The following TMEM178A variants were observed in gnomAD, a reference collection of about 807,000 sequenced individuals.
The protein encoded by TMEM178A is transmembrane protein 178A, also known as transmembrane protein 178.
In TMEM178A, 12 loss-of-function variants were observed where a neutral mutation model predicts 29.1. The ratio of observed to expected loss-of-function variants is 0.41; its 90% CI spans 0.26 to 0.67. The LOEUF (loss-of-function observed/expected upper bound fraction) is 0.67, where lower values mean the gene tolerates loss of function less well. TMEM178A is among the 30% of genes least tolerant of loss of function. The pLI is 0.29. For synonymous variants in TMEM178A, 210 were observed against 187.2 expected (o/e 1.12, Z -0.99); for missense variants, 366 against 419.1 (o/e 0.87, Z 1.11).
chr2:39,675,012 A>T (rs534175672), intron 1 of TMEM178A, among the ~76,000 whole-genome samples: 2 of 152,368 alleles, frequency 1.3e-5, no homozygotes, highest in African/African-American at 2.4e-5. Flanking sequence ...CCTGTCAATT[A>T]TCCACAAAAC....
Position 39,666,108 on chromosome 2 carries a change from G to A in TMEM178A, c.134G>A (p.Arg45His), listed in dbSNP as rs1410416897. The A allele has an allele frequency of 1.3e-6, 2 of 1,559,040 alleles. No individual in the cohort carries two copies. Among genetic ancestry groups the A allele is most frequent in the South Asian group, 1.2e-5 (1 of 85,240 alleles). ...CGGCGCCACAAGGAGAGCTGCGAGC[G>A]CAGCCGCGCGGGCGCCGACCCCCCG... is the stretch of plus-strand genomic sequence containing the variant. ...DPRRHKESCE[R>H]SRAGADPPDQ... Residue 45 changes from arginine to histidine, a missense_variant, in exon 1 of 4, where the codon CGC (arginine) becomes CAC (histidine). Transcript: ENST00000281961.
intron 1 of TMEM178A, among the ~76,000 whole-genome samples, chr2:39,689,545 A>G (rs192541690): frequency 3.3e-5 from 5 of 152,348 alleles, no homozygotes; most frequent in Non-Finnish European, 5.9e-5. Flanking sequence ...TGGAAATAGA[A>G]TGATGGTTGC....
intron 3 of TMEM178A, among the ~76,000 whole-genome samples, chr2:39,710,858 C>G (rs1401143787): frequency 6.6e-6 from 1 of 152,254 alleles, no homozygotes; most frequent in Non-Finnish European, 1.5e-5. Flanking sequence ...AAATGAAGAA[C>G]ATCAACCATG....
chr2:39,666,189 C>G lies in TMEM178A; in HGVS notation c.215C>G (p.Pro72Arg). 1 of 1,443,994 alleles carries G rather than the reference C, an allele frequency of 6.9e-7. No individual in the cohort carries two copies. Among genetic ancestry groups the G allele is most frequent in the Non-Finnish European group, 9.1e-7 (1 of 1,102,742 alleles). The allele number at this position is 1,443,994 out of a possible 1,614,324, so 89.4% of individuals were successfully genotyped here. Residue 72 changes from proline to arginine, a missense_variant, in exon 1 of 4, where the codon CCG (proline) becomes CGG (arginine). Transcript: ENST00000281961. ...CACCTGCCGCTGCGGGACTCGCCCC[C>G]GCTGGGGCGCCGGCTGCTCCCGGGC... ...LSHLPLRDSP[P>R]LGRRLLPGGP...
chr2:39,730,817 G>C, the TMEM178A span, among the ~76,000 whole-genome samples: 1 of 152,216 alleles, frequency 6.6e-6, no homozygotes, highest in African/African-American at 2.4e-5. Context: ...AGCGTAATTA[G>C]GAGTGATATA....
At chr2:39,667,510 A>T (rs999701696) in intron 1 of TMEM178A, among the ~76,000 whole-genome samples, 13 of 152,208 alleles carry the variant, frequency 8.5e-5, no homozygotes, top group East Asian at 3.8e-4. Context: ...AAAAAGTCCA[A>T]AATCAGTACA....
intron 1 of TMEM178A, among the ~76,000 whole-genome samples, chr2:39,679,522 C>T (rs1247239111): frequency 6.6e-6 from 1 of 152,000 alleles, no homozygotes; most frequent in Non-Finnish European, 1.5e-5. Flanking sequence ...AGATTTTCCT[C>T]ATAAAATGTT....
At chr2:39,716,242 T>G (rs1219040045) in intron 3 of TMEM178A, among the ~76,000 whole-genome samples, 1 of 152,216 alleles carries the variant, frequency 6.6e-6, no homozygotes, top group African/African-American at 2.4e-5. Context: ...CCACATGAAT[T>G]GAGTACTAAA....
At chr2:39,701,452 G>T (rs1190550697) in intron 1 of TMEM178A, among the ~76,000 whole-genome samples, 6 of 151,914 alleles carry the variant, frequency 3.9e-5, no homozygotes, top group Non-Finnish European at 7.4e-5. Flanking sequence ...ATGATAATTT[G>T]CTTTTTTCTT....
chr2:39,690,043 A>G (rs1348189057), intron 1 of TMEM178A, among the ~76,000 whole-genome samples: 1 of 152,224 alleles, frequency 6.6e-6, no homozygotes, highest in East Asian at 1.9e-4. Flanking sequence ...ACGTTGTCCA[A>G]GATGCTCGCT....
downstream of TMEM178A, among the ~76,000 whole-genome samples, chr2:39,722,054 A>G (rs2373688): frequency 0.41 from 61,487 of 149,138 alleles, 13,714 homozygotes; most frequent in East Asian, 0.75. Flanking sequence ...GAATGGATTT[A>G]AAGAGGCACC....
chr2:39,682,625 G>A (rs746866283), intron 1 of TMEM178A, among the ~76,000 whole-genome samples: 2 of 152,046 alleles, frequency 1.3e-5, no homozygotes, highest in Non-Finnish European at 2.9e-5. Flanking sequence ...AAGACTTTGG[G>A]ACATTATTGC....
chr2:39,672,413 C>T (rs1670442790), intron 1 of TMEM178A, among the ~76,000 whole-genome samples: 1 of 152,132 alleles, frequency 6.6e-6, no homozygotes, highest in South Asian at 2.1e-4. Flanking sequence ...CCAATTATAC[C>T]CGAGTTGCTG....
At chr2:39,732,595 T>C in the TMEM178A span, among the ~76,000 whole-genome samples, 407 of 152,298 alleles carry the variant, frequency 2.7e-3, 1 homozygote, top group Middle Eastern at 0.014. Flanking sequence ...TCAAGAGTTA[T>C]TTCCAAAAGG....
chr2:39,691,913 G>A (rs565112235), intron 1 of TMEM178A, among the ~76,000 whole-genome samples: 1 of 151,692 alleles, frequency 6.6e-6, no homozygotes, highest in South Asian at 2.1e-4. Flanking sequence ...ATATTATTTA[G>A]GTTGCTTCTT....
At chr2:39,703,987 T>G in intron 1 of TMEM178A, 94 bp from the exon 2 acceptor site, 2 of 928,498 alleles carry the variant, frequency 2.2e-6, no homozygotes, top group South Asian at 3.1e-5. Context: ...CATCTCCCAT[T>G]CAACCCAGGT....
chr2:39,726,223 A>G, the TMEM178A span, among the ~76,000 whole-genome samples: 2 of 152,170 alleles, frequency 1.3e-5, no homozygotes, highest in Non-Finnish European at 2.9e-5. Flanking sequence ...GGCTAGGAGA[A>G]TAGAGTGCTA....
chr2:39,679,253 A>G (rs896382066), intron 1 of TMEM178A, among the ~76,000 whole-genome samples: 2 of 152,198 alleles, frequency 1.3e-5, no homozygotes, highest in African/African-American at 4.8e-5. Flanking sequence ...AATCACGGTC[A>G]TATCTGACCC....
At chr2:39,671,955 T>C (rs1365052728) in intron 1 of TMEM178A, among the ~76,000 whole-genome samples, 1 of 152,234 alleles carries the variant, frequency 6.6e-6, no homozygotes, top group Non-Finnish European at 1.5e-5. Flanking sequence ...ATGCATTTTA[T>C]TTCTGTACCA....
Sources: allele counts gnomAD v4.1 joint callset (sites outside exome capture counted in the v4.1 genomes callset), GRCh38; gene constraint gnomAD v4.1.1; transcripts MANE v1.5; gene names NCBI Gene and HGNC (gene_info 2026-07-23, HGNC 2026-07-21).